Variants in TNS1 observed in about 807,000 individuals in gnomAD.
The protein encoded by TNS1 is tensin 1, also known as tensin-1.
A neutral mutation model predicts 168.6 loss-of-function variants in TNS1; 62 were observed. That is an observed-to-expected ratio of 0.37 (90% CI 0.30 to 0.45). The LOEUF (loss-of-function observed/expected upper bound fraction) is 0.45. Among genes scored for constraint, TNS1 ranks in the 20% least tolerant of loss-of-function variants. TNS1 has a pLI of 1.00. For synonymous variants in TNS1, 934 were observed against 933.2 expected, an observed-to-expected ratio of 1.00 and a Z score of -0.02; for missense variants, 2,240 against 2,339.4, an observed-to-expected ratio of 0.96 and a Z score of 0.88.
intron 1 of TNS1, among the ~76,000 whole-genome samples, chr2:218,024,869 C>T (rs921810881): frequency 3.3e-5 from 5 of 152,132 alleles, no homozygotes; most frequent in Non-Finnish European, 7.4e-5. Flanking sequence ...AAAGGAGAAA[C>T]GGGGAGGGGA....
At chr2:217,842,501 C>T (rs1468742884) in intron 19 of TNS1, among the ~76,000 whole-genome samples, 1 of 152,164 alleles carries the variant, frequency 6.6e-6, no homozygotes, top group Non-Finnish European at 1.5e-5. Flanking sequence ...CTTGTTGGCT[C>T]TACCTCCAAA....
chr2:217,887,826 C>T (rs1951355106), intron 12 of TNS1, among the ~76,000 whole-genome samples: 1 of 152,232 alleles, frequency 6.6e-6, no homozygotes, highest in African/African-American at 2.4e-5. Flanking sequence ...CGGTCATCTG[C>T]CCAATAGAGA....
intron 19 of TNS1, among the ~76,000 whole-genome samples, chr2:217,847,046 C>A (rs943836255): frequency 6.6e-6 from 1 of 152,338 alleles, no homozygotes; most frequent in African/African-American, 2.4e-5. Flanking sequence ...CCCCAAGGAA[C>A]TAAAGTCTGA....
chr2:217,858,620 T>G, intron 18 of TNS1: 1 of 974,574 alleles, frequency 1.0e-6, no homozygotes, highest in Non-Finnish European at 1.2e-6. Context: ...CTACTCAAGC[T>G]CCCTCCGACT....
upstream of TNS1, among the ~76,000 whole-genome samples, chr2:218,004,848 T>C (rs542066764): frequency 6.6e-6 from 1 of 152,358 alleles, no homozygotes; most frequent in East Asian, 1.9e-4. Flanking sequence ...CTAAGCCTCC[T>C]GGGGCTTCAC....
intron 23 of TNS1, among the ~76,000 whole-genome samples, chr2:217,820,293 A>G (rs1942623177): frequency 6.6e-6 from 1 of 152,240 alleles, no homozygotes; most frequent in Admixed American, 6.5e-5. Context: ...CTGAACATCA[A>G]CAATGGGTGG....
intron 3 of TNS1, among the ~76,000 whole-genome samples, chr2:217,954,197 G>A (rs1409387762): frequency 1.3e-5 from 2 of 152,196 alleles, no homozygotes; most frequent in Admixed American, 6.5e-5. Flanking sequence ...CAGGAGCCAG[G>A]GGCTGGGCTC....
In TNS1 at chr2:217,818,073, C is replaced by T. The variant is rs748380403; in HGVS notation, c.4259G>A (p.Cys1420Tyr). ...GSGSVVPGSP[C>Y]LDRHVAYGGY... is the part of the protein sequence containing the mutation. Reference sequence around the variant, plus strand: ...ACCATAGGCCACATGCCGGTCCAAGCAGGGGCTGCCGGGAACCACAGATCC... The same window carrying T: ...ACCATAGGCCACATGCCGGTCCAAGTAGGGGCTGCCGGGAACCACAGATCC... The change falls in exon 24 of 33, where the codon TGC (cysteine) becomes TAC (tyrosine). Residue 1420 changes from cysteine to tyrosine, a missense_variant. Physicochemically the swap from Cys to Tyr is radical, Grantham distance 194. Transcript: ENST00000682258. 1 of 1,612,210 alleles carries T rather than the reference C, an allele frequency of 6.2e-7. No individual in the cohort carries two copies. The highest frequency in any genetic ancestry group is 8.5e-7 in the Non-Finnish European group (1 of 1,179,132).
At chr2:217,901,372 G>A (rs979330881) in intron 6 of TNS1, among the ~76,000 whole-genome samples, 8 of 152,150 alleles carry the variant, frequency 5.3e-5, no homozygotes, top group African/African-American at 1.4e-4. Flanking sequence ...AAGGCACTTC[G>A]CATCATGCCT....
rs1464530117 is a variant in TNS1 at position 217,848,053 on chromosome 2, G to A, written c.2464C>T (p.Pro822Ser). 1 of 1,529,818 alleles carries A rather than the reference G, an allele frequency of 6.5e-7. No homozygotes were observed. Among genetic ancestry groups the A allele is most frequent in the Non-Finnish European group, 8.8e-7 (1 of 1,138,542 alleles). The allele number at this position is 1,529,818 out of a possible 1,614,324, so 94.8% of individuals were successfully genotyped here. A position where few individuals can be genotyped will look rare whatever the true frequency, so the allele number is the denominator to read the frequency against. ...ETPIPSLPEF[P>S]RAASQQEIEQ... ...ATCTCCTGCTGGGAGGCTGCTCGCGGGAACTCAGGGAGACTGGGGATGGGG... is the reference window on the plus strand; with the variant it reads ...ATCTCCTGCTGGGAGGCTGCTCGCGAGAACTCAGGGAGACTGGGGATGGGG... Residue 822 changes from proline to serine, a missense_variant, in exon 19 of 33, where the codon CCG becomes TCG. Physicochemically the swap from Pro to Ser is moderately conservative, Grantham distance 74 (BLOSUM62 -1). This residue lies in a region of TNS1 where 2,131 missense variants were observed against 2,171.2 expected (regional missense o/e 0.98). Transcript: ENST00000682258.
intron 5 of TNS1, among the ~76,000 whole-genome samples, chr2:217,906,602 C>G (rs565691256): frequency 3.9e-5 from 6 of 152,314 alleles, no homozygotes; most frequent in African/African-American, 1.4e-4. Context: ...GTGGGAGATA[C>G]TATTATTCTC....
intron 18 of TNS1, among the ~76,000 whole-genome samples, chr2:217,875,664 C>CA (rs568334810): frequency 6.0e-5 from 9 of 151,036 alleles, no homozygotes; most frequent in Non-Finnish European, 1.2e-4. Context: ...TTTCCTCTTT[C>CA]AAAAAAAAAG....
At chr2:217,947,056 C>A (rs574057845) in intron 3 of TNS1, among the ~76,000 whole-genome samples, 1 of 151,606 alleles carries the variant, frequency 6.6e-6, no homozygotes, top group Non-Finnish European at 1.5e-5. Flanking sequence ...CCAACTCTTC[C>A]TTCCAAGCCC....
At chr2:217,977,484 C>G (rs11903364) in intron 3 of TNS1, among the ~76,000 whole-genome samples, 23,383 of 152,174 alleles carry the variant, frequency 0.15, 2,309 homozygotes, top group African/African-American at 0.28. Flanking sequence ...GAGGAAGATT[C>G]TTCCCAGACC....
At chr2:217,978,675 C>A in intron 3 of TNS1, 90 bp downstream of exon 3, 1 of 668,046 alleles carries the variant, frequency 1.5e-6, no homozygotes, top group Non-Finnish European at 2.7e-6. Flanking sequence ...GGGCACCGCC[C>A]CCGCCCCGCC....
chr2:217,913,320 TCTC>T (rs1270558135), intron 4 of TNS1, among the ~76,000 whole-genome samples: 1 of 152,110 alleles, frequency 6.6e-6, no homozygotes, highest in Non-Finnish European at 1.5e-5. Context: ...CTCAGCCCCT[TCTC>T]CTAATTCACC....
intron 17 of TNS1, 41 bp from the exon 18 acceptor site, chr2:217,881,055 T>C (rs745858134): frequency 7.2e-7 from 1 of 1,397,784 alleles, no homozygotes; most frequent in South Asian, 1.1e-5. Flanking sequence ...GGGGAGACAG[T>C]GCAGAGAGGG....
At chr2:217,942,563 C>A (rs1005039475) in intron 3 of TNS1, among the ~76,000 whole-genome samples, 15 of 152,148 alleles carry the variant, frequency 9.9e-5, no homozygotes, top group African/African-American at 2.7e-4. Flanking sequence ...CTGGCAGGGG[C>A]AGGTGCAACT....
intron 12 of TNS1, chr2:217,890,723 C>T (rs1049569618): frequency 1.7e-6 from 1 of 579,902 alleles, no homozygotes; most frequent in African/African-American, 1.9e-5. Context: ...TTGCACTGCT[C>T]TCTAGCACAG....
Sources: allele counts gnomAD v4.1 joint callset (sites outside exome capture counted in the v4.1 genomes callset), GRCh38; gene constraint gnomAD v4.1.1; regional missense constraint gnomAD v4.1.1; transcripts MANE v1.5; gene names NCBI Gene and HGNC (gene_info 2026-07-23, HGNC 2026-07-21).